The following ULK4 variants were observed in gnomAD, a reference collection of about 807,000 sequenced individuals.
ULK4 encodes inactive serine/threonine-protein kinase ULK4.
In ULK4, 133 loss-of-function variants were observed where a neutral mutation model predicts 160.6. That is an observed-to-expected ratio of 0.83 (90% CI 0.72 to 0.96). ULK4 has a LOEUF of 0.96. ULK4 is among the 40% of genes least tolerant of loss of function. The probability of loss-of-function intolerance (pLI) is 0.00; values close to 1 mark genes in which losing one functional copy is unlikely to be tolerated. For missense variants in ULK4, 1,580 were observed against 1,499.5 expected, an observed-to-expected ratio of 1.05 and a Z score of -0.89; for synonymous variants, 534 against 539.8, an observed-to-expected ratio of 0.99 and a Z score of 0.15.
chr3:41,776,440 T>A (rs535831579), intron 21 of ULK4, among the ~76,000 whole-genome samples: 2 of 150,776 alleles, frequency 1.3e-5, no homozygotes, highest in East Asian at 3.9e-4. Context: ...AGAAAAAAAA[T>A]CTAACACTCA....
intron 19 of ULK4, 27 bp downstream of exon 19, chr3:41,819,396 C>T: frequency 6.2e-7 from 1 of 1,604,956 alleles, no homozygotes. Flanking sequence ...TTGCCAGCAT[C>T]TACAGAGGAC....
At chr3:41,547,992 C>A (rs986684751) in intron 32 of ULK4, among the ~76,000 whole-genome samples, 4 of 152,154 alleles carry the variant, frequency 2.6e-5, no homozygotes, top group Non-Finnish European at 4.4e-5. Flanking sequence ...CTCACCCCTA[C>A]CCCCACAGTA....
At chr3:41,780,420 A>C (rs1023959850) in intron 21 of ULK4, among the ~76,000 whole-genome samples, 1 of 152,042 alleles carries the variant, frequency 6.6e-6, no homozygotes, top group Non-Finnish European at 1.5e-5. Context: ...TTTAGGGAGA[A>C]AATATCGTGG....
intron 32 of ULK4, among the ~76,000 whole-genome samples, chr3:41,471,324 C>T (rs2083985034): frequency 6.6e-6 from 1 of 151,996 alleles, no homozygotes; most frequent in Admixed American, 6.6e-5. Flanking sequence ...TATATGCACC[C>T]AACATCAGAG....
At chr3:41,708,362 C>T (rs2036978540) in intron 25 of ULK4, among the ~76,000 whole-genome samples, 1 of 152,004 alleles carries the variant, frequency 6.6e-6, no homozygotes, top group African/African-American at 2.4e-5. Flanking sequence ...AAAAGGAAAT[C>T]CTGTCATTTG....
chr3:41,573,272 T>C (rs1034674279), intron 31 of ULK4, among the ~76,000 whole-genome samples: 1 of 152,158 alleles, frequency 6.6e-6, no homozygotes, highest in African/African-American at 2.4e-5. Context: ...TCAAAACTAA[T>C]TGCTTCAGTG....
chr3:41,926,735 G>A (rs1386146210), intron 5 of ULK4, among the ~76,000 whole-genome samples: 1 of 149,600 alleles, frequency 6.7e-6, no homozygotes, highest in East Asian at 1.9e-4. Flanking sequence ...AGATCAAGTG[G>A]AAGAAAGGAT....
At chr3:41,765,882 G>T (rs2039145447) in intron 21 of ULK4, among the ~76,000 whole-genome samples, 1 of 152,070 alleles carries the variant, frequency 6.6e-6, no homozygotes, top group African/African-American at 2.4e-5. Context: ...ATATGAACAA[G>T]AAACAACTGA....
At chr3:41,259,375 C>T in intron 35 of ULK4, among the ~76,000 whole-genome samples, 1 of 152,156 alleles carries the variant, frequency 6.6e-6, no homozygotes, top group East Asian at 1.9e-4. Context: ...TCCCCAAATA[C>T]AAACTAGCAA....
intron 35 of ULK4, among the ~76,000 whole-genome samples, chr3:41,301,604 T>C (rs1033742993): frequency 2.0e-5 from 3 of 152,226 alleles, no homozygotes; most frequent in African/African-American, 7.2e-5. Context: ...TTTAGAGTAT[T>C]ACAAAGGCAT....
chr3:41,822,323 C>A, intron 18 of ULK4, among the ~76,000 whole-genome samples: 1 of 152,172 alleles, frequency 6.6e-6, no homozygotes, highest in East Asian at 1.9e-4. Flanking sequence ...CGGCCGTAAT[C>A]CATAATGAGG....
At chr3:41,782,269 G>A (rs954404382) in intron 21 of ULK4, among the ~76,000 whole-genome samples, 2 of 151,770 alleles carry the variant, frequency 1.3e-5, no homozygotes, top group Non-Finnish European at 2.9e-5. Context: ...ATCAGAAACA[G>A]AAATATTTTC....
chr3:41,575,686 G>A (rs991498137), intron 31 of ULK4, among the ~76,000 whole-genome samples: 1 of 152,208 alleles, frequency 6.6e-6, no homozygotes, highest in Admixed American at 6.5e-5. Flanking sequence ...TGGCACAGAA[G>A]GGAGTATTTG....
chr3:41,500,567 A>C (rs964411289), intron 32 of ULK4, among the ~76,000 whole-genome samples: 2 of 152,116 alleles, frequency 1.3e-5, no homozygotes, highest in Admixed American at 1.3e-4. Flanking sequence ...TCCCTAGCAG[A>C]CTTCTGGCCC....
At chr3:41,654,687 T>C (rs938466334) in intron 30 of ULK4, among the ~76,000 whole-genome samples, 1 of 152,210 alleles carries the variant, frequency 6.6e-6, no homozygotes, top group Non-Finnish European at 1.5e-5. Context: ...ATGCTTGCGT[T>C]ATCCCGTGAA....
At chr3:41,753,252 G>A (rs1282342217) in intron 22 of ULK4, among the ~76,000 whole-genome samples, 1 of 151,980 alleles carries the variant, frequency 6.6e-6, no homozygotes, top group Admixed American at 6.6e-5. Flanking sequence ...TGTCTTGTTT[G>A]TTATATAGGT....
chr3:41,298,446 TTGTTAAACTAA>T (rs1333955632), intron 35 of ULK4, among the ~76,000 whole-genome samples: 1 of 152,242 alleles, frequency 6.6e-6, no homozygotes, highest in Non-Finnish European at 1.5e-5. Context: ...TGTTTTCCTG[TTGTTAAACTAA>T]TAAGTTAACC....
At chr3:41,390,857 G>C (rs866552297) in intron 35 of ULK4, among the ~76,000 whole-genome samples, 18 of 152,184 alleles carry the variant, frequency 1.2e-4, no homozygotes, top group Middle Eastern at 3.4e-3. Flanking sequence ...ATTTGGGGTG[G>C]AGAGCTCTGT....
intron 19 of ULK4, among the ~76,000 whole-genome samples, chr3:41,809,175 AC>A (rs1388367540): frequency 2.9e-5 from 3 of 104,938 alleles, no homozygotes; most frequent in Admixed American, 9.5e-5. Flanking sequence ...CAAAAAAAAA[AC>A]AAAAAAAAAA....
Sources: gnomAD v4.1 joint callset for allele counts (sites outside exome capture counted in the v4.1 genomes callset) on GRCh38, gnomAD v4.1.1 for gene constraint, MANE v1.5 for transcripts, NCBI Gene and HGNC (gene_info 2026-07-23, HGNC 2026-07-21) for gene names.